The following DICER1 variants were observed in gnomAD, a reference collection of about 807,000 sequenced individuals.
The protein encoded by DICER1 is dicer 1, ribonuclease III.
DICER1 carries 43 observed loss-of-function variants against 194.1 expected under a neutral mutation model. The observed-to-expected ratio is 0.22, with a 90% CI of 0.17 to 0.29. The LOEUF (loss-of-function observed/expected upper bound fraction) is 0.29, where lower values mean the gene tolerates loss of function less well. Ranked by LOEUF, DICER1 falls within the 10% of genes least tolerant of loss-of-function variation. The pLI, the probability that DICER1 is intolerant of heterozygous loss-of-function variation, is 1.00. For missense variants in DICER1, 1,608 were observed against 2,317.0 expected, an observed-to-expected ratio of 0.69 and a Z score of 6.28; for synonymous variants, 832 against 820.5, an observed-to-expected ratio of 1.01 and a Z score of -0.24.
In DICER1 at chr14:95,096,782, T is replaced by A. The variant is rs560150992; in HGVS notation, c.4207-69A>T. ...GTTTTTAAAAGGGTTTGAAACTCAA[T>A]AAAAGCAAGGGTTATGGATAATTTC... On this transcript the variant is annotated intron_variant, in intron 22 of 26. Transcript: ENST00000343455. 20 of 1,515,150 alleles carry A rather than the reference T, an allele frequency of 1.3e-5. No homozygotes were observed. The South Asian group carries it at 2.4e-4, about 18-fold the overall frequency. The allele number at this position is 1,515,150 out of a possible 1,614,324, so 93.9% of individuals were successfully genotyped here.
chr14:95,131,475 G>C, intron 4 of DICER1, 34 bp downstream of exon 4: 1 of 1,600,908 alleles, frequency 6.2e-7, no homozygotes, highest in Non-Finnish European at 8.6e-7. Context: ...AACTTGTAGG[G>C]ATTTATAAAG....
Position 95,096,679 on chromosome 14 carries a change from T to TC in DICER1, c.4240dup (p.Asp1414GlyfsTer2). ...CTCATCCTCCTCCTCGTAATCCTCA[T>TC]CCAGTTTGCCATTCGCCAGCATGCA... On this transcript the variant is annotated frameshift_variant, in exon 23 of 27. Transcript: ENST00000343455. LOFTEE classifies it high-confidence loss of function. 1.2e-6 allele frequency: 2 copies of TC among 1,612,608 alleles called. No homozygotes were observed. The highest frequency in any genetic ancestry group is 1.7e-6 in the Non-Finnish European group (2 of 1,179,262).
chr14:95,112,469 A>C (rs951247219), intron 12 of DICER1, among the ~76,000 whole-genome samples: 2 of 152,238 alleles, frequency 1.3e-5, no homozygotes, highest in Non-Finnish European at 2.9e-5. Flanking sequence ...AGTCATAATT[A>C]AGATTTTACA....
chr14:95,098,123 ACAAACTGTGTGATCCTGGG>A (rs1890530409), intron 22 of DICER1, among the ~76,000 whole-genome samples: 1 of 152,212 alleles, frequency 6.6e-6, no homozygotes, highest in Admixed American at 6.5e-5. Context: ...GACTTTTATC[ACAAACTGTGTGATCCTGGG>A]CAAAGCCTTT....
At chr14:95,092,571 A>G (rs1485087413) in intron 24 of DICER1, among the ~76,000 whole-genome samples, 3 of 152,232 alleles carry the variant, frequency 2.0e-5, no homozygotes, top group Non-Finnish European at 4.4e-5. Context: ...AAACTTACCA[A>G]GTTTAATTCT....
chr14:95,145,369 C>T (rs1354744808), intron 1 of DICER1, among the ~76,000 whole-genome samples: 1 of 152,126 alleles, frequency 6.6e-6, no homozygotes, highest in African/African-American at 2.4e-5. Flanking sequence ...TAAATTTAAA[C>T]AGTTTTGTAT....
At position 95,090,686 on chromosome 14, in the gene DICER1, G is replaced by C. The variant is rs1009750425; in HGVS notation, c.5604-23C>G. The C allele has an allele frequency of 1.9e-6, 3 of 1,613,464 alleles. No homozygotes were observed. The African/African-American group carries it at 4.0e-5, about 22-fold the overall frequency. Reference sequence around the variant, plus strand: ...GGGCTGTAAAAAATCCAAACAGCTTGAATTAGAAGTCAGAAGTATTTATTA... The same window carrying C: ...GGGCTGTAAAAAATCCAAACAGCTTCAATTAGAAGTCAGAAGTATTTATTA... On this transcript the variant is annotated intron_variant, in intron 26 of 26. Coordinates refer to ENST00000343455, the MANE Select transcript of DICER1 (RefSeq NM_177438.3).
In DICER1 at chr14:95,123,729, A is replaced by G. The variant is rs115552216; in HGVS notation, c.1376+467T>C. On this transcript the variant is annotated intron_variant, in intron 8 of 26. Coordinates refer to ENST00000343455, the MANE Select transcript of DICER1 (RefSeq NM_177438.3). ...CCTAGCCTTGAAAAGTTGAATCCAT[A>G]TTTTTAAGAGAAAAAAATCAACATT... Among the ~76,000 whole-genome samples the G allele has an allele frequency of 7.8e-3, 1,193 of 152,256 alleles. 15 individuals are homozygous for G. The highest frequency in any genetic ancestry group is 0.028 in the African/African-American group (1,154 of 41,538).
At chr14:95,130,366 A>C (rs997774776) in intron 4 of DICER1, among the ~76,000 whole-genome samples, 174 bp from the exon 5 acceptor site, 1 of 152,222 alleles carries the variant, frequency 6.6e-6, no homozygotes, top group African/African-American at 2.4e-5. Context: ...CTAAGAAGGA[A>C]ATCAGGAAAG....
intron 1 of DICER1, among the ~76,000 whole-genome samples, chr14:95,143,092 T>C (rs1255000523): frequency 6.6e-6 from 1 of 151,834 alleles, no homozygotes; most frequent in Non-Finnish European, 1.5e-5. Flanking sequence ...GATAAACAAA[T>C]GGAAAAAAAC....
At position 95,131,824 on chromosome 14, in the gene DICER1, G is replaced by C. The variant is rs899352694; in HGVS notation, c.308-185C>G. Among the ~76,000 whole-genome samples the C allele has an allele frequency of 7.9e-5, 12 of 152,108 alleles. 1 individual carries two copies. Among genetic ancestry groups the C allele is most frequent in the Admixed American group, 5.9e-4 (9 of 15,264 alleles). ...TCCTCCAAAAAAATGGCACCTACTA[G>C]ACTTGCCACCTCACTTTTTGTCACT... On this transcript the variant is annotated intron_variant, in intron 3 of 26. Transcript: ENST00000343455.
rs953998753 is a variant in DICER1 at position 95,103,884 on chromosome 14, T to C, written c.3512A>G (p.Asp1171Gly). Residue 1171 changes from aspartate to glycine, a missense_variant, in exon 21 of 27, where the codon GAT (aspartate) becomes GGT (glycine). Physicochemically the swap from Asp to Gly is moderately conservative, Grantham distance 94 (BLOSUM62 -1). Around this residue, in one of 10 missense-constraint regions of DICER1, gnomAD observed 222 missense variants for 215.5 expected, o/e 1.03. Coordinates refer to ENST00000343455, the MANE Select transcript of DICER1 (RefSeq NM_177438.3). ...AGAAAGACCATTAATTGCTGTAAGA[T>C]CTGCTGAAACTTCAACGTGGAGCTT... ...PGKLHVEVSA[D>G]LTAINGLSYN... The C allele has an allele frequency of 6.2e-7, 1 of 1,614,194 alleles. No homozygotes were observed. The highest frequency in any genetic ancestry group is 8.5e-7 in the Non-Finnish European group (1 of 1,180,024).
At chr14:95,113,644 C>CATATAAGG (rs1892178453) in intron 11 of DICER1, among the ~76,000 whole-genome samples, 1 of 152,188 alleles carries the variant, frequency 6.6e-6, no homozygotes, top group Admixed American at 6.5e-5. Context: ...CCACCAACTA[C>CATATAAGG]CAGCACACAT....
intron 8 of DICER1, among the ~76,000 whole-genome samples, chr14:95,120,638 TA>T (rs1892863907): frequency 6.6e-6 from 1 of 152,114 alleles, no homozygotes; most frequent in Non-Finnish European, 1.5e-5. Flanking sequence ...ACACGGGTGC[TA>T]AACTCGAAGA....
chr14:95,105,274 T>C lies in DICER1; in HGVS notation c.3094-28A>G, dbSNP rs377092388. The C allele has an allele frequency of 6.3e-7, 1 of 1,593,912 alleles. No individual in the cohort carries two copies. The highest frequency in any genetic ancestry group is 2.2e-5 in the East Asian group (1 of 44,596). ...TCAAGTAAGGGGAAAAATGGACAGA[T>C]AAATACAAAGCGCACACACAAAAGA... On this transcript the variant is annotated intron_variant, in intron 19 of 26. Coordinates refer to ENST00000343455, the MANE Select transcript of DICER1 (RefSeq NM_177438.3). This position sits in a 1 kb window ranked among gnomAD's most constrained non-coding sequence, Gnocchi z 4.9.
intron 1 of DICER1, among the ~76,000 whole-genome samples, chr14:95,150,759 C>T (rs1595509208): frequency 1.3e-5 from 2 of 152,340 alleles, no homozygotes; most frequent in East Asian, 3.9e-4. Context: ...CAGATAGATA[C>T]CCCTTTAATC....
intron 22 of DICER1, among the ~76,000 whole-genome samples, chr14:95,099,520 C>G (rs1267668071): frequency 6.6e-6 from 1 of 152,008 alleles, no homozygotes; most frequent in Non-Finnish European, 1.5e-5. Flanking sequence ...ACATCACATA[C>G]TCTTATGCCT....
At chr14:95,118,332 T>C (rs1353301519) in intron 8 of DICER1, among the ~76,000 whole-genome samples, 1 of 152,222 alleles carries the variant, frequency 6.6e-6, no homozygotes, top group Non-Finnish European at 1.5e-5. Flanking sequence ...TCCTATCACC[T>C]GATATCATTA....
rs772433602 is a variant in DICER1 at position 95,133,449 on chromosome 14, G to A, written c.10C>T (p.Pro4Ser). The A allele has an allele frequency of 1.2e-6, 2 of 1,613,154 alleles. No homozygotes were observed. The highest frequency in any genetic ancestry group is 2.7e-5 in the African/African-American group (2 of 75,028). Reference sequence around the variant, plus strand: ...GCCATGCTGAGGGGTTGCAAAGCAGGGCTTTTCATTCATCCAGTGTTTCTT... The same window carrying A: ...GCCATGCTGAGGGGTTGCAAAGCAGAGCTTTTCATTCATCCAGTGTTTCTT... MKS[P>S]ALQPLSMAGL... The change falls in exon 2 of 27, where the codon CCT becomes TCT. Residue 4 changes from proline to serine, a missense_variant. Physicochemically the swap from Pro to Ser is moderately conservative, Grantham distance 74. This residue lies in a region of DICER1 where 657 missense variants were observed against 910.1 expected (regional missense o/e 0.72). Coordinates refer to ENST00000343455, the MANE Select transcript of DICER1 (RefSeq NM_177438.3).
Sources: gnomAD v4.1 joint callset for allele counts (sites outside exome capture counted in the v4.1 genomes callset) on GRCh38, gnomAD v4.1.1 for gene constraint, gnomAD v4.1.1 regional missense constraint, Gnocchi (gnomAD v3.1) non-coding constraint, MANE v1.5 for transcripts, NCBI Gene and HGNC (gene_info 2026-07-23, HGNC 2026-07-21) for gene names.